Variants in ROS1 observed in about 807,000 individuals in gnomAD.
ROS1 encodes the protein proto-oncogene tyrosine-protein kinase ROS.
In ROS1, 263 loss-of-function variants were observed where a neutral mutation model predicts 273.5. The ratio of observed to expected loss-of-function variants is 0.96; its 90% confidence interval spans 0.87 to 1.06. ROS1 has a LOEUF of 1.06. Among genes scored for constraint, ROS1 ranks in the 50% least tolerant of loss-of-function variants. The pLI, the probability that ROS1 is intolerant of heterozygous loss-of-function variation, is 0.00. For missense variants in ROS1, 2,833 were observed against 2,751.1 expected (o/e 1.03, Z -0.67); for synonymous variants, 1,008 against 954.1 (o/e 1.06, Z -1.04).
chr6:117,305,974 T>C (rs1775065603), intron 42 of ROS1, among the ~76,000 whole-genome samples: 1 of 151,680 alleles, frequency 6.6e-6, no homozygotes. Flanking sequence ...TTTGGCTAAG[T>C]AGAGGTTCCA....
intron 32 of ROS1, among the ~76,000 whole-genome samples, chr6:117,330,570 G>A (rs767609807): frequency 1.6e-4 from 25 of 152,300 alleles, no homozygotes; most frequent in South Asian, 1.2e-3. Context: ...CGATCCTACT[G>A]GCATCAGGTT....
chr6:117,368,885 C>T (rs1421535823), intron 18 of ROS1, among the ~76,000 whole-genome samples: 1 of 151,670 alleles, frequency 6.6e-6, no homozygotes, highest in African/African-American at 2.4e-5. Context: ...TATAAAATAA[C>T]TTTATAATTT....
intron 37 of ROS1, 68 bp from the exon 38 acceptor site, chr6:117,318,320 G>A (rs2128557149): frequency 8.7e-7 from 1 of 1,151,120 alleles, no homozygotes; most frequent in Non-Finnish European, 1.3e-6. Context: ...TGGGTTAATG[G>A]AGATTGTTCT....
In ROS1 at chr6:117,341,155, ATC is replaced by A. The variant is rs775876293; in HGVS notation, c.5039_5040del (p.Arg1680IlefsTer4). 6.2e-7 allele frequency: 1 copy of A among 1,609,494 alleles called. No individual in the cohort carries two copies. Among genetic ancestry groups the A allele is most frequent in the Non-Finnish European group, 8.5e-7 (1 of 1,178,436 alleles). ...TCTACCTTCTGTAGCTCAACCCAAA[ATC>A]TGATGAGGTTAACATTCAATGGAGC... Reference protein sequence around the residue: ...WKAPLNVNLIRFWVELQKWKY... With the variant: ...WKAPLNVNLIXFWVELQKWKY... On this transcript the variant is annotated frameshift_variant, in exon 31 of 44. Coordinates refer to ENST00000368507, the MANE Select transcript of ROS1 (RefSeq NM_001378902.1). LOFTEE classifies it high-confidence loss of function.
chr6:117,408,147 G>A (rs1774576680), intron 5 of ROS1, among the ~76,000 whole-genome samples: 2 of 151,720 alleles, frequency 1.3e-5, no homozygotes, highest in South Asian at 4.2e-4. Context: ...CAGGACATAG[G>A]CATGGGCAAG....
Position 117,301,037 on chromosome 6 carries a change from T to G in ROS1, c.6652A>C (p.Asn2218His), listed in dbSNP as rs1475122880. Reference protein sequence around the residue: ...QLQLFRNFFLNSIYKSRDEAN... With the variant: ...QLQLFRNFFLHSIYKSRDEAN... ...TCATCTCTGGACTTATAAATGCTATTTAAGAAAAAATTTCTGAATAACTGA... is the reference window on the plus strand; with the variant it reads ...TCATCTCTGGACTTATAAATGCTATGTAAGAAAAAATTTCTGAATAACTGA... The change falls in exon 43 of 44, where the codon AAT becomes CAT. Residue 2218 changes from asparagine (N) to histidine (H), a missense_variant. Physicochemically the swap from Asn to His is moderately conservative, Grantham distance 68. Transcript: ENST00000368507. The G allele has an allele frequency of 6.2e-7, 1 of 1,606,588 alleles. No individual in the cohort carries two copies. Among genetic ancestry groups the G allele is most frequent in the African/African-American group, 1.3e-5 (1 of 74,772 alleles).
At chr6:117,325,458 G>T (rs1776567340) in intron 34 of ROS1, among the ~76,000 whole-genome samples, 2 of 152,096 alleles carry the variant, frequency 1.3e-5, no homozygotes, top group Admixed American at 1.3e-4. Flanking sequence ...CACAATTGGA[G>T]GATAAATTAC....
chr6:117,399,502 C>CT (rs1164829766), intron 7 of ROS1, among the ~76,000 whole-genome samples: 1 of 152,198 alleles, frequency 6.6e-6, no homozygotes, highest in Non-Finnish European at 1.5e-5. Context: ...CCCCAACCCA[C>CT]TTCATCAGCT....
At position 117,379,082 on chromosome 6, in the gene ROS1, G is replaced by C. The variant is rs767816340; in HGVS notation, c.2559C>G (p.Tyr853Ter). The C allele has an allele frequency of 3.0e-5, 49 of 1,612,368 alleles. No homozygotes were observed. The highest frequency in any genetic ancestry group is 4.0e-5 in the Non-Finnish European group (47 of 1,178,544). Residue 853 changes from tyrosine (Y) to a stop codon, truncating the protein, a stop_gained, in exon 18 of 44, where the codon TAC becomes TAG. Coordinates refer to ENST00000368507, the MANE Select transcript of ROS1 (RefSeq NM_001378902.1). LOFTEE classifies it high-confidence loss of function. ...LVQDSQCIHL[Y>*]TAVLRGQSTG... is the part of the protein sequence containing the mutation. The stretch of plus-strand genomic sequence containing the variant: ...ACCTCTGTCCCCGAAGAACAGCTGT[G>C]TACAGGTGAATACATTGACTGTCTT...
intron 26 of ROS1, 69 bp from the exon 27 acceptor site, chr6:117,353,235 A>G (rs1779027875): frequency 5.1e-6 from 6 of 1,187,250 alleles, no homozygotes; most frequent in Non-Finnish European, 6.9e-6. Context: ...CTAAAAATGT[A>G]TGAAATTTTT....
intron 32 of ROS1, among the ~76,000 whole-genome samples, chr6:117,333,219 T>C (rs979367401): frequency 2.0e-5 from 3 of 151,554 alleles, no homozygotes; most frequent in African/African-American, 7.2e-5. Flanking sequence ...TACTATAAAC[T>C]CTTCTATGCA....
At chr6:117,327,605 T>A (rs1030405679) in intron 33 of ROS1, among the ~76,000 whole-genome samples, 2 of 152,180 alleles carry the variant, frequency 1.3e-5, no homozygotes, top group Non-Finnish European at 2.9e-5. Context: ...ATAGATATTA[T>A]CATCTCCATT....
At chr6:117,323,517 C>G (rs1168912460) in intron 35 of ROS1, among the ~76,000 whole-genome samples, 9 of 151,938 alleles carry the variant, frequency 5.9e-5, no homozygotes, top group Admixed American at 5.9e-4. Context: ...TGGGGACTCT[C>G]AATATTAGCA....
intron 35 of ROS1, among the ~76,000 whole-genome samples, chr6:117,322,641 A>C (rs190859744): frequency 6.6e-6 from 1 of 152,282 alleles, no homozygotes; most frequent in African/African-American, 2.4e-5. Context: ...TCATTTTAAA[A>C]ATTGTCTAAT....
chr6:117,331,318 G>A lies in ROS1; in HGVS notation c.5231-1872C>T, dbSNP rs540380242. Among the ~76,000 whole-genome samples the A allele has an allele frequency of 2.6e-5, 4 of 152,212 alleles. No homozygotes were observed. In the East Asian group the frequency reaches 5.8e-4, roughly 22 times the overall value. On this transcript the variant is annotated intron_variant, in intron 32 of 43. Transcript: ENST00000368507. ...AAAAGAATGAAAAGGAATGAATAAA[G>A]CCTCCAAGAAATATGAGACTTCATA...
intron 4 of ROS1, among the ~76,000 whole-genome samples, chr6:117,410,409 G>C (rs17079136): frequency 6.6e-6 from 1 of 152,120 alleles, no homozygotes; most frequent in Non-Finnish European, 1.5e-5. Flanking sequence ...AATTTGTAGA[G>C]TAGCTGAATA....
chr6:117,309,031 T>C (rs1775331006), intron 41 of ROS1, 103 bp from the exon 42 acceptor site: 6 of 1,138,930 alleles, frequency 5.3e-6, no homozygotes, highest in Non-Finnish European at 7.5e-6. Flanking sequence ...GGGTCTACTT[T>C]GTCAGTGTAT....
intron 13 of ROS1, 47 bp downstream of exon 13, chr6:117,389,301 CCT>C (rs749428487): frequency 3.9e-5 from 60 of 1,544,192 alleles, no homozygotes; most frequent in Admixed American, 6.2e-5. Context: ...TTCAAACCTT[CCT>C]CTTATTCCAG....
Position 117,356,739 on chromosome 6 carries a change from G to T in ROS1, c.4016C>A (p.Thr1339Asn), listed in dbSNP as rs368099011. The change falls in exon 26 of 44, where the codon ACC becomes AAC. Residue 1339 changes from threonine (T) to asparagine (N), a missense_variant. Thr to Asn is a moderately conservative substitution (Grantham distance 65, BLOSUM62 0). Transcript: ENST00000368507. ...FELSGAMAID[T>N]SNLEKPLIYF... is the part of the protein sequence containing the mutation. ...TATCAATGGTTTCTCTAGGTTAGAG[G>T]TATCAATAGCCATTGCTCCACTTAA... is the stretch of plus-strand genomic sequence containing the variant. The T allele has an allele frequency of 9.3e-6, 15 of 1,613,994 alleles. No homozygotes were observed. Among genetic ancestry groups the T allele is most frequent in the East Asian group, 8.9e-5 (4 of 44,892 alleles).
Sources: allele counts gnomAD v4.1 joint callset (sites outside exome capture counted in the v4.1 genomes callset), GRCh38; gene constraint gnomAD v4.1.1; transcripts MANE v1.5; gene names NCBI Gene and HGNC (gene_info 2026-07-23, HGNC 2026-07-21).